The following WDR43 variants were observed in gnomAD, a reference collection of about 807,000 sequenced individuals.
The protein encoded by WDR43 is WD repeat-containing protein 43.
Under a neutral mutation model 91.4 loss-of-function variants are expected in WDR43, and 13 were observed. The observed-to-expected ratio is 0.14, with a 90% CI of 0.09 to 0.23. The LOEUF (loss-of-function observed/expected upper bound fraction) is 0.23. Among genes scored for constraint, WDR43 ranks in the 10% least tolerant of loss-of-function variants. The pLI, the probability that WDR43 is intolerant of heterozygous loss-of-function variation, is 1.00. For missense variants in WDR43, 780 were observed against 809.4 expected (o/e 0.96, Z 0.44); for synonymous variants, 331 against 287.9 (o/e 1.15, Z -1.51).
At position 28,912,686 on chromosome 2, in the gene WDR43, T is replaced by C; in HGVS notation, c.582T>C (p.Val194=). Residue 194 remains valine (V), a synonymous_variant, in exon 4 of 18, where the codon GTT becomes GTC. Coordinates refer to ENST00000407426, the MANE Select transcript of WDR43 (RefSeq NM_015131.3). ...CTGGTCGAACAATCAAACTATGGGT[T>C]TTGGAGACCAAAGAAGTCTACAGGG... The part of the protein sequence containing the change: ...LSAGRTIKLW[V]LETKEVYRHF... 6.2e-7 allele frequency: 1 copy of C among 1,613,980 alleles called. No homozygotes were observed. The highest frequency in any genetic ancestry group is 1.7e-5 in the Admixed American group (1 of 60,022).
intron 16 of WDR43, among the ~76,000 whole-genome samples, chr2:28,944,051 A>T (rs996070012): frequency 1.3e-5 from 2 of 152,034 alleles, no homozygotes; most frequent in Non-Finnish European, 2.9e-5. Context: ...GATGCCCAGA[A>T]CTCTTTGAGC....
chr2:28,898,985 GT>G (rs1469818432), intron 1 of WDR43, among the ~76,000 whole-genome samples: 2 of 152,136 alleles, frequency 1.3e-5, no homozygotes, highest in Non-Finnish European at 1.5e-5. Flanking sequence ...CCTTCTGATT[GT>G]TTCTGGATCA....
chr2:28,908,921 C>A (rs1670737709), intron 3 of WDR43, among the ~76,000 whole-genome samples: 1 of 152,012 alleles, frequency 6.6e-6, no homozygotes, highest in Non-Finnish European at 1.5e-5. Flanking sequence ...CTTAGACTTT[C>A]CTATGTTTAA....
At chr2:28,917,491 G>T (rs1025510265) in intron 5 of WDR43, among the ~76,000 whole-genome samples, 1 of 152,010 alleles carries the variant, frequency 6.6e-6, no homozygotes, top group African/African-American at 2.4e-5. Context: ...AATTCAAATG[G>T]AAATAACAAA....
chr2:28,941,773 T>G (rs1671442218), intron 15 of WDR43, among the ~76,000 whole-genome samples, 199 bp downstream of exon 15: 1 of 152,012 alleles, frequency 6.6e-6, no homozygotes, highest in Admixed American at 6.6e-5. Flanking sequence ...GCCTGGCTAA[T>G]TTTTAAATTT....
At chr2:28,913,248 C>A (rs905671647) in intron 4 of WDR43, among the ~76,000 whole-genome samples, 2 of 152,102 alleles carry the variant, frequency 1.3e-5, no homozygotes, top group African/African-American at 4.8e-5. Context: ...GCCACCGCGC[C>A]CAGCCGAAAC....
intron 11 of WDR43, among the ~76,000 whole-genome samples, chr2:28,931,981 TC>T (rs1379547912): frequency 2.7e-5 from 4 of 150,468 alleles, no homozygotes; most frequent in Non-Finnish European, 4.4e-5. Flanking sequence ...GCTCAAGTGA[TC>T]CTGCCACCTC....
chr2:28,912,685 T>C lies in WDR43; in HGVS notation c.581T>C (p.Val194Ala), dbSNP rs1473730729. ...LSAGRTIKLW[V>A]LETKEVYRHF... ...GCTGGTCGAACAATCAAACTATGGG[T>C]TTTGGAGACCAAAGAAGTCTACAGG... Residue 194 changes from valine (V) to alanine (A), a missense_variant, in exon 4 of 18, where the codon GTT becomes GCT. This residue lies in a region of WDR43 where 174 missense variants were observed against 207.3 expected (regional missense o/e 0.84). Coordinates refer to ENST00000407426, the MANE Select transcript of WDR43 (RefSeq NM_015131.3). 6.2e-7 allele frequency: 1 copy of C among 1,613,886 alleles called. No homozygotes were observed. Among genetic ancestry groups the C allele is most frequent in the African/African-American group, 1.3e-5 (1 of 75,020 alleles).
rs70958224 is a variant in WDR43 at position 28,922,797 on chromosome 2, G to GTTTTTTTTTT, written c.850-114_850-105dup. The GTTTTTTTTTT allele has an allele frequency of 6.8e-5, 16 of 233,870 alleles. 2 individuals carry two copies. The highest frequency in any genetic ancestry group is 5.6e-4 in the South Asian group (6 of 10,622). 14.5% of individuals were successfully genotyped at this position (233,870 alleles called of 1,614,324 possible). A position where few individuals can be genotyped will look rare whatever the true frequency, so the allele number is the denominator to read the frequency against. Reference sequence around the variant, plus strand: ...TTATTTTTAAATGGATTCTTGCTGTGTTTTTTTTTTTTTTTTTCTGGTTGT... The same window carrying GTTTTTTTTTT: ...TTATTTTTAAATGGATTCTTGCTGTGTTTTTTTTTTTTTTTTTTTTTTTTTTTCTGGTTGT... On this transcript the variant is annotated intron_variant, in intron 6 of 17. Transcript: ENST00000407426.
At chr2:28,913,593 T>A (rs1003862320) in intron 4 of WDR43, 1 of 507,976 alleles carries the variant, frequency 2.0e-6, no homozygotes, top group Non-Finnish European at 4.0e-6. Context: ...TTACTGTATT[T>A]GACTGTGGAG....
chr2:28,912,837 T>G (rs777561881), intron 4 of WDR43, 127 bp downstream of exon 4: 1 of 1,301,192 alleles, frequency 7.7e-7, no homozygotes, highest in East Asian at 2.5e-5. Context: ...TCAAATAGTT[T>G]AGTGGATAAA....
intron 6 of WDR43, among the ~76,000 whole-genome samples, chr2:28,922,489 G>A (rs942178678): frequency 1.3e-5 from 2 of 152,112 alleles, no homozygotes; most frequent in African/African-American, 4.8e-5. Flanking sequence ...TAGGTGGTAG[G>A]GGCATCTCCA....
At position 28,894,793 on chromosome 2, in the gene WDR43, C is replaced by T. The variant is rs368354533; in HGVS notation, c.95C>T (p.Ala32Val). 36 of 1,609,374 alleles carry T rather than the reference C, an allele frequency of 2.2e-5. No homozygotes were observed. Among genetic ancestry groups the T allele is most frequent in the Middle Eastern group, 3.3e-4 (2 of 6,082 alleles). Residue 32 changes from alanine to valine, a missense_variant, in exon 1 of 18, where the codon GCC becomes GTC. Around this residue, in one of 4 missense-constraint regions of WDR43, gnomAD observed 175 missense variants for 113.8 expected, o/e 1.54. Coordinates refer to ENST00000407426, the MANE Select transcript of WDR43 (RefSeq NM_015131.3). Reference protein sequence around the residue: ...SPHSQAYFALASTDGHLRVWE... With the variant: ...SPHSQAYFALVSTDGHLRVWE... ...CACAGCCAGGCCTACTTCGCTTTGG[C>T]CTCTACCGACGGTCACTTACGAGTA...
intron 6 of WDR43, among the ~76,000 whole-genome samples, chr2:28,920,299 C>T (rs1387677301): frequency 3.5e-5 from 5 of 142,888 alleles, no homozygotes; most frequent in Admixed American, 7.2e-5. Context: ...GATCTCAGCT[C>T]ACTGCAATCT....
At chr2:28,927,884 C>A in intron 10 of WDR43, 184 bp downstream of exon 10, 1 of 916,522 alleles carries the variant, frequency 1.1e-6, no homozygotes. Context: ...CTTTGTTTAA[C>A]AGAGAAGATG....
Position 28,947,492 on chromosome 2 carries a change from G to A in WDR43, c.*713G>A, listed in dbSNP as rs966277923. 3.9e-5 allele frequency: 6 copies of A among 152,054 alleles called. No homozygotes were observed. Among genetic ancestry groups the A allele is most frequent in the African/African-American group, 1.4e-4 (6 of 41,408 alleles). 9.4% of individuals were successfully genotyped at this position (152,054 alleles called of 1,614,324 possible). A position where few individuals can be genotyped will look rare whatever the true frequency, so the allele number is the denominator to read the frequency against. On this transcript the variant is annotated 3_prime_UTR_variant, in exon 18 of 18. Transcript: ENST00000407426. Reference sequence around the variant, plus strand: ...GCCATATTAAGGATTTTTCTTGACTGCAAATTACTTCTAAAGAATCATCAG... The same window carrying A: ...GCCATATTAAGGATTTTTCTTGACTACAAATTACTTCTAAAGAATCATCAG...
At position 28,926,557 on chromosome 2, in the gene WDR43, G is replaced by A. The variant is rs925889458; in HGVS notation, c.1173+3G>A. The A allele has an allele frequency of 1.3e-6, 2 of 1,582,426 alleles. No homozygotes were observed. Among genetic ancestry groups the A allele is most frequent in the Non-Finnish European group, 8.6e-7 (1 of 1,162,910 alleles). Reference sequence around the variant, plus strand: ...AAGTAGAAACAGCTATAACAAAGGTGAGCACATTACAAATTTGAAGTTTTA... The same window carrying A: ...AAGTAGAAACAGCTATAACAAAGGTAAGCACATTACAAATTTGAAGTTTTA... On this transcript the variant is annotated splice_donor_region_variant and intron_variant, in intron 9 of 17. Coordinates refer to ENST00000407426, the MANE Select transcript of WDR43 (RefSeq NM_015131.3).
At chr2:28,907,609 T>C (rs1227442247) in intron 3 of WDR43, among the ~76,000 whole-genome samples, 1 of 139,534 alleles carries the variant, frequency 7.2e-6, no homozygotes, top group East Asian at 2.1e-4. Flanking sequence ...CAAGACGCTG[T>C]CTCAAAAAAA....
intron 1 of WDR43, among the ~76,000 whole-genome samples, chr2:28,897,564 GT>G: frequency 6.6e-6 from 1 of 152,208 alleles, no homozygotes; most frequent in Non-Finnish European, 1.5e-5. Context: ...CTTAATAAAT[GT>G]TATTATTGAG....
Sources: allele counts gnomAD v4.1 joint callset (sites outside exome capture counted in the v4.1 genomes callset), GRCh38; gene constraint gnomAD v4.1.1; regional missense constraint gnomAD v4.1.1; transcripts MANE v1.5; gene names NCBI Gene and HGNC (gene_info 2026-07-23, HGNC 2026-07-21).